Variants in HYKK observed in about 807,000 individuals in gnomAD.
HYKK encodes 5-hydroxy-L-lysine kinase.
A neutral mutation model predicts 29.7 loss-of-function variants in HYKK; 19 were observed. That is an observed-to-expected ratio of 0.64 (90% CI 0.45 to 0.94). The LOEUF (loss-of-function observed/expected upper bound fraction) is 0.94, where lower values mean the gene tolerates loss of function less well. Ranked by LOEUF, HYKK falls within the 40% of genes least tolerant of loss-of-function variation. HYKK has a pLI of 0.00. For synonymous variants in HYKK, 152 were observed against 158.1 expected, an observed-to-expected ratio of 0.96 and a Z score of 0.29; for missense variants, 390 against 443.4, an observed-to-expected ratio of 0.88 and a Z score of 1.08.
At chr15:78,525,843 T>C (rs946689847) in intron 3 of HYKK, among the ~76,000 whole-genome samples, 7 of 152,310 alleles carry the variant, frequency 4.6e-5, no homozygotes, top group African/African-American at 1.4e-4. Context: ...CATGTAATGG[T>C]CTAAGTGTTG....
intron 3 of HYKK, among the ~76,000 whole-genome samples, chr15:78,524,441 G>A (rs1194573003): frequency 6.6e-6 from 1 of 152,224 alleles, no homozygotes; most frequent in African/African-American, 2.4e-5. Context: ...CCTGGGCCTG[G>A]CCCACAAAAC....
At chr15:78,531,010 T>C (rs1433276081) in intron 4 of HYKK, among the ~76,000 whole-genome samples, 1 of 151,934 alleles carries the variant, frequency 6.6e-6, no homozygotes, top group Non-Finnish European at 1.5e-5. Context: ...GCTGAAATTA[T>C]GCACCACCAC....
rs773091523 is a variant in HYKK, at chr15:78,515,045, G to A, written c.415G>A (p.Val139Ile). ...LPGRPIAELP[V>I]SPQLLYEIGK... ...AGGAAGACCCATCGCTGAGCTTCCC[G>A]TCAGCCCCCAGCTATTGTATGAAAT... Residue 139 changes from valine (V) to isoleucine (I), a missense_variant, in exon 3 of 5, where the codon GTC becomes ATC. Val to Ile is a conservative substitution (Grantham distance 29). Coordinates refer to ENST00000388988, the MANE Select transcript of HYKK (RefSeq NM_001013619.4). 4 of 1,604,028 alleles carry A rather than the reference G, an allele frequency of 2.5e-6. No homozygotes were observed. Among genetic ancestry groups the A allele is most frequent in the Admixed American group, 1.7e-5 (1 of 59,322 alleles).
At chr15:78,509,297 T>C (rs187880644) in intron 1 of HYKK, among the ~76,000 whole-genome samples, 29 of 152,346 alleles carry the variant, frequency 1.9e-4, no homozygotes, top group Admixed American at 1.6e-3. Context: ...AGAGGAGACA[T>C]GACTAGTCCA....
intron 2 of HYKK, 60 bp from the exon 3 acceptor site, chr15:78,514,908 C>CTCTCTCTCTCTATATATATATATA (rs766004199): frequency 7.8e-6 from 3 of 385,504 alleles, no homozygotes; most frequent in East Asian, 1.6e-4. Flanking sequence ...CTCTCTCTCT[C>CTCTCTCTCTCTATATATATATATA]TATATATATA....
chr15:78,516,611 A>T (rs2052135980), intron 3 of HYKK, among the ~76,000 whole-genome samples: 1 of 151,818 alleles, frequency 6.6e-6, no homozygotes, highest in Non-Finnish European at 1.5e-5. Flanking sequence ...CTGCCTCCCA[A>T]AGTGCTGGGA....
At chr15:78,522,666 C>T (rs2052210026) in intron 3 of HYKK, among the ~76,000 whole-genome samples, 1 of 151,790 alleles carries the variant, frequency 6.6e-6, no homozygotes. Context: ...CAGTTAAGGC[C>T]AGGAGTTCCA....
rs750102310 is a variant in HYKK, at chr15:78,533,568, C to A, written c.1020C>A (p.Thr340=). The change falls in exon 5 of 5, where the codon ACC becomes ACA. Residue 340 remains threonine, a synonymous_variant. Transcript: ENST00000388988. ...ACTATCTCATGGTTACTGCAAAAAC[C>A]GGGTGGAAACACTTACAGCAAATGT... ...NKDYLMVTAK[T]GWKHLQQMFD... The A allele has an allele frequency of 1.2e-6, 2 of 1,614,080 alleles. No homozygotes were observed. The highest frequency in any genetic ancestry group is 2.2e-5 in the South Asian group (2 of 91,078).
intron 4 of HYKK, among the ~76,000 whole-genome samples, chr15:78,531,797 G>C (rs1476041288): frequency 6.6e-6 from 1 of 152,092 alleles, no homozygotes; most frequent in Non-Finnish European, 1.5e-5. Context: ...TCCCAAAGTG[G>C]CCAAAGGGAT....
intron 3 of HYKK, among the ~76,000 whole-genome samples, chr15:78,515,694 T>A (rs2052125396): frequency 1.3e-5 from 2 of 151,924 alleles, no homozygotes; most frequent in African/African-American, 4.8e-5. Flanking sequence ...ATTCACGCCA[T>A]TCTTCTGCCT....
At chr15:78,513,750 G>A (rs1356305403) in intron 2 of HYKK, among the ~76,000 whole-genome samples, 10 of 152,030 alleles carry the variant, frequency 6.6e-5, no homozygotes, top group Admixed American at 1.3e-4. Flanking sequence ...TGTTTGTTTC[G>A]TATTTTTTGT....
At chr15:78,514,610 G>A (rs1249609000) in intron 2 of HYKK, among the ~76,000 whole-genome samples, 1 of 152,198 alleles carries the variant, frequency 6.6e-6, no homozygotes, top group Non-Finnish European at 1.5e-5. Flanking sequence ...TTATGAAAGA[G>A]TATGTGTTTT....
At chr15:78,526,241 C>G (rs1425112005) in intron 3 of HYKK, among the ~76,000 whole-genome samples, 1 of 152,214 alleles carries the variant, frequency 6.6e-6, no homozygotes, top group Non-Finnish European at 1.5e-5. Flanking sequence ...AGGCACTGTT[C>G]TAGGTGTGGG....
chr15:78,512,619 C>G (rs899466630), intron 1 of HYKK, among the ~76,000 whole-genome samples: 13 of 152,010 alleles, frequency 8.6e-5, no homozygotes, highest in Admixed American at 2.6e-4. Flanking sequence ...CCAGGCTGGT[C>G]TCAAACTCCT....
intron 3 of HYKK, among the ~76,000 whole-genome samples, chr15:78,524,865 C>T (rs1218294645): frequency 1.3e-5 from 2 of 152,104 alleles, no homozygotes; most frequent in Non-Finnish European, 2.9e-5. Flanking sequence ...AACTCACTCA[C>T]TATCACAAGA....
chr15:78,526,738 C>A (rs2052257878), intron 3 of HYKK, among the ~76,000 whole-genome samples: 1 of 152,174 alleles, frequency 6.6e-6, no homozygotes, highest in South Asian at 2.1e-4. Context: ...GCAATAATGC[C>A]TATCTTTACA....
intron 1 of HYKK, among the ~76,000 whole-genome samples, chr15:78,509,209 G>T (rs991702446): frequency 6.6e-6 from 1 of 152,112 alleles, no homozygotes; most frequent in African/African-American, 2.4e-5. Context: ...GAAAAAAGGC[G>T]AACTTAAAGA....
intron 4 of HYKK, among the ~76,000 whole-genome samples, chr15:78,529,653 A>G (rs1363784038): frequency 1.3e-5 from 2 of 152,176 alleles, no homozygotes; most frequent in African/African-American, 4.8e-5. Flanking sequence ...GCCATTTGAA[A>G]TATATTCTTG....
chr15:78,533,856 T>A lies in HYKK; in HGVS notation c.*186T>A. The A allele has an allele frequency of 1.7e-6, 1 of 582,162 alleles. No homozygotes were observed. The highest frequency in any genetic ancestry group is 3.0e-6 in the Non-Finnish European group (1 of 330,938). The allele number at this position is 582,162 out of a possible 1,614,324, so 36.1% of individuals were successfully genotyped here. Reference sequence around the variant, plus strand: ...CAATCTCGTGACAATTTTTTAAAATTCACAAAAGTACCACAAGCAAGCATA... The same window carrying A: ...CAATCTCGTGACAATTTTTTAAAATACACAAAAGTACCACAAGCAAGCATA... On this transcript the variant is annotated 3_prime_UTR_variant, in exon 5 of 5. Transcript: ENST00000388988.
Sources: gnomAD v4.1 joint callset for allele counts (sites outside exome capture counted in the v4.1 genomes callset) on GRCh38, gnomAD v4.1.1 for gene constraint, MANE v1.5 for transcripts, NCBI Gene and HGNC (gene_info 2026-07-23, HGNC 2026-07-21) for gene names.